Variants in CPEB1 observed in about 807,000 individuals in gnomAD.
The protein encoded by CPEB1 is cytoplasmic polyadenylation element-binding protein 1.
A neutral mutation model predicts 65.8 loss-of-function variants in CPEB1; 7 were observed. The observed-to-expected ratio is 0.11, with a 90% confidence interval of 0.06 to 0.20. The LOEUF (loss-of-function observed/expected upper bound fraction) is 0.20. Ranked by LOEUF, CPEB1 falls within the 10% of genes least tolerant of loss-of-function variation. The pLI, the probability that CPEB1 is intolerant of heterozygous loss-of-function variation, is 1.00. For synonymous variants in CPEB1, 262 were observed against 260.0 expected, an observed-to-expected ratio of 1.01 and a Z score of -0.08; for missense variants, 551 against 712.2, an observed-to-expected ratio of 0.77 and a Z score of 2.58.
intron 2 of CPEB1, among the ~76,000 whole-genome samples, chr15:82,627,641 C>T (rs1164330252): frequency 1.3e-5 from 2 of 152,152 alleles, no homozygotes; most frequent in Non-Finnish European, 2.9e-5. Context: ...GGTAGGCTAA[C>T]TCTACTAGTT....
At chr15:82,620,656 A>C (rs2045222883) in intron 3 of CPEB1, among the ~76,000 whole-genome samples, 1 of 152,052 alleles carries the variant, frequency 6.6e-6, no homozygotes, top group African/African-American at 2.4e-5. Flanking sequence ...AAAAAAAATT[A>C]GTTGGGCATG....
At chr15:82,621,525 G>A (rs1042811177) in intron 3 of CPEB1, among the ~76,000 whole-genome samples, 2 of 151,976 alleles carry the variant, frequency 1.3e-5, no homozygotes, top group African/African-American at 4.8e-5. Context: ...GGAGGCTGAG[G>A]CAGGAGACTC....
chr15:82,572,991 C>A (rs1368625504), intron 3 of CPEB1: 1 of 1,513,166 alleles, frequency 6.6e-7, no homozygotes, highest in African/African-American at 1.4e-5. Context: ...CAGGCCCAGA[C>A]TCACCAGGCA....
At chr15:82,550,980 G>T (rs916120228) in intron 9 of CPEB1, among the ~76,000 whole-genome samples, 1 of 151,910 alleles carries the variant, frequency 6.6e-6, no homozygotes. Context: ...GAAGGGGAAG[G>T]GCTCTGTGAT....
At chr15:82,576,445 CA>C (rs2040656903) in intron 3 of CPEB1, among the ~76,000 whole-genome samples, 2 of 152,012 alleles carry the variant, frequency 1.3e-5, no homozygotes, top group Non-Finnish European at 2.9e-5. Flanking sequence ...AATTTTACCT[CA>C]AAAAAGTTAT....
At chr15:82,626,289 C>A (rs903875374) in intron 3 of CPEB1, among the ~76,000 whole-genome samples, 3 of 151,584 alleles carry the variant, frequency 2.0e-5, no homozygotes, top group African/African-American at 7.3e-5. Flanking sequence ...CAAAAATTAG[C>A]TGGGTGTGGT....
intron 3 of CPEB1, among the ~76,000 whole-genome samples, chr15:82,605,331 T>C (rs1421390103): frequency 6.6e-6 from 1 of 152,084 alleles, no homozygotes; most frequent in Non-Finnish European, 1.5e-5. Flanking sequence ...TAGGTAAATA[T>C]AATAGAGAGT....
At chr15:82,627,663 T>C (rs2151319825) in intron 2 of CPEB1, among the ~76,000 whole-genome samples, 1 of 152,304 alleles carries the variant, frequency 6.6e-6, no homozygotes, top group Non-Finnish European at 1.5e-5. Context: ...TCTACAAATA[T>C]AGTCAGGTTT....
Position 82,557,940 on chromosome 15 carries a change from G to C in CPEB1, c.507C>G (p.Pro169=), listed in dbSNP as rs2037516108. 3.1e-6 allele frequency: 5 copies of C among 1,613,630 alleles called. No individual in the cohort carries two copies. Among genetic ancestry groups the C allele is most frequent in the Non-Finnish European group, 4.2e-6 (5 of 1,179,792 alleles). Residue 169 remains proline, a synonymous_variant, in exon 5 of 13, where the codon CCC becomes CCG. Coordinates refer to ENST00000684509, the MANE Select transcript of CPEB1 (RefSeq NM_001365242.1). ...HNPLGNVLGK[P]PLSFLPLDPL... ...GATCCAGAGGCAGGAAGCTCAAGGG[G>C]GGTTTTCCTAGGACATTTCCCAGTG...
At chr15:82,551,432 T>C (rs1208306531) in intron 9 of CPEB1, among the ~76,000 whole-genome samples, 1 of 152,122 alleles carries the variant, frequency 6.6e-6, no homozygotes, top group East Asian at 1.9e-4. Context: ...AAGTCCATGG[T>C]TTGCATCAGA....
At chr15:82,619,533 A>G (rs930336662) in intron 3 of CPEB1, among the ~76,000 whole-genome samples, 21 of 152,358 alleles carry the variant, frequency 1.4e-4, no homozygotes, top group African/African-American at 5.0e-4. Context: ...ATTTTAATAC[A>G]TATTTCAGAC....
intron 1 of CPEB1, among the ~76,000 whole-genome samples, chr15:82,638,990 A>G (rs927557879): frequency 5.9e-5 from 9 of 152,218 alleles, no homozygotes; most frequent in Non-Finnish European, 7.3e-5. Flanking sequence ...ACAAATGTCA[A>G]CACAGTGGGG....
intron 3 of CPEB1, among the ~76,000 whole-genome samples, chr15:82,577,048 A>G (rs2040724756): frequency 6.6e-6 from 1 of 152,220 alleles, no homozygotes; most frequent in Non-Finnish European, 1.5e-5. Flanking sequence ...CCATTAAATG[A>G]GGCATTATAG....
At chr15:82,558,657 C>A (rs1014509203) in intron 4 of CPEB1, among the ~76,000 whole-genome samples, 34 of 152,182 alleles carry the variant, frequency 2.2e-4, no homozygotes, top group Admixed American at 2.0e-3. Context: ...CTGGGAAGCT[C>A]ACTTAGCTTC....
intron 10 of CPEB1, chr15:82,548,794 T>C (rs1037725986): frequency 6.9e-6 from 3 of 431,858 alleles, no homozygotes; most frequent in Non-Finnish European, 1.4e-5. Flanking sequence ...TGCTCCTTCC[T>C]GACCAGATTC....
chr15:82,556,709 A>G (rs190706079), intron 5 of CPEB1, among the ~76,000 whole-genome samples: 1 of 152,360 alleles, frequency 6.6e-6, no homozygotes, highest in African/African-American at 2.4e-5. Context: ...ACTGAGTCCA[A>G]TCTAAGTAAT....
intron 9 of CPEB1, among the ~76,000 whole-genome samples, chr15:82,550,011 G>A (rs1220367657): frequency 6.6e-6 from 1 of 152,172 alleles, no homozygotes; most frequent in South Asian, 2.1e-4. Flanking sequence ...GGACACTGAT[G>A]AAAAGGGCAT....
rs991362877 is a variant in CPEB1, at chr15:82,568,852, G to A, written c.460+2492C>T. On this transcript the variant is annotated intron_variant, in intron 4 of 12. Coordinates refer to ENST00000684509, the MANE Select transcript of CPEB1 (RefSeq NM_001365242.1). ...GTGCTGCACACAACGAATGCTCGAC[G>A]TTTGCCAGATGAATTTAGCCAACAG... Among the ~76,000 whole-genome samples the A allele has an allele frequency of 1.2e-4, 19 of 152,138 alleles. 1 individual carries two copies. Among genetic ancestry groups the A allele is most frequent in the South Asian group, 4.1e-4 (2 of 4,834 alleles).
intron 4 of CPEB1, among the ~76,000 whole-genome samples, chr15:82,566,964 G>A (rs1257478433): frequency 2.0e-5 from 3 of 152,126 alleles, no homozygotes; most frequent in Admixed American, 6.5e-5. Context: ...GAATGGGAGA[G>A]ACCTTGTCTG....
Sources: allele counts gnomAD v4.1 joint callset (sites outside exome capture counted in the v4.1 genomes callset), GRCh38; gene constraint gnomAD v4.1.1; transcripts MANE v1.5; gene names NCBI Gene and HGNC (gene_info 2026-07-23, HGNC 2026-07-21).